The following ALPK3 variants were observed in gnomAD, a reference collection of about 807,000 sequenced individuals.
ALPK3 encodes the protein alpha kinase 3, also known as alpha-protein kinase 3.
ALPK3 carries 102 observed loss-of-function variants against 140.0 expected under a neutral mutation model. The observed-to-expected ratio is 0.73, with a 90% CI of 0.62 to 0.86. The LOEUF is 0.86. ALPK3 is among the 40% of genes least tolerant of loss of function. The pLI, the probability that ALPK3 is intolerant of heterozygous loss-of-function variation, is 0.00. For synonymous variants in ALPK3, 938 were observed against 898.5 expected (o/e 1.04, Z -0.79); for missense variants, 2,254 against 2,208.2 (o/e 1.02, Z -0.42).
intron 5 of ALPK3, among the ~76,000 whole-genome samples, chr15:84,845,610 A>G (rs980243377): frequency 3.3e-5 from 5 of 152,246 alleles, no homozygotes; most frequent in Non-Finnish European, 7.3e-5. Flanking sequence ...TCATCCCCAG[A>G]TTGTTCCTGC....
rs781488810 is a variant in ALPK3, at chr15:84,840,521, CT to C, written c.1244del (p.Leu415Ter). 1 of 1,609,930 alleles carries C rather than the reference CT, an allele frequency of 6.2e-7. No individual in the cohort carries two copies. Among genetic ancestry groups the C allele is most frequent in the Non-Finnish European group, 8.5e-7 (1 of 1,178,612 alleles). On this transcript the variant is annotated frameshift_variant, in exon 5 of 14. Coordinates refer to ENST00000258888, the MANE Select transcript of ALPK3 (RefSeq NM_020778.5). LOFTEE classifies it high-confidence loss of function. The stretch of plus-strand genomic sequence containing the variant: ...GCCCAGGCCAGGAAGTGTATTTCTC[CT>C]TGAAGGACATGTACCTGGAGAACAC... ...PGPGQEVYFS[L>X]KDMYLENTQA... is the part of the protein sequence containing the mutation.
intron 9 of ALPK3, among the ~76,000 whole-genome samples, chr15:84,861,283 A>G (rs1963942881): frequency 2.0e-5 from 3 of 151,880 alleles, no homozygotes. Flanking sequence ...GATTTTGTTG[A>G]TTGTGTTCCC....
intron 11 of ALPK3, 23 bp downstream of exon 11, chr15:84,863,663 G>C: frequency 6.2e-7 from 1 of 1,607,270 alleles, no homozygotes; most frequent in Non-Finnish European, 8.5e-7. Context: ...CGAGGAGGAC[G>C]TGCAGTGTGC....
intron 2 of ALPK3, among the ~76,000 whole-genome samples, chr15:84,825,211 T>A (rs1963472563): frequency 6.6e-6 from 1 of 152,028 alleles, no homozygotes; most frequent in South Asian, 2.1e-4. Flanking sequence ...GGCATCTCTC[T>A]CTGTCACCAG....
intron 1 of ALPK3, among the ~76,000 whole-genome samples, chr15:84,822,090 T>C (rs1471073237): frequency 5.3e-5 from 8 of 151,926 alleles, no homozygotes; most frequent in Non-Finnish European, 1.0e-4. Context: ...TGCAGCATTT[T>C]GTTAGAGAAG....
intron 5 of ALPK3, among the ~76,000 whole-genome samples, chr15:84,848,157 AAAG>A (rs1289260180): frequency 6.6e-6 from 1 of 152,168 alleles, no homozygotes; most frequent in African/African-American, 2.4e-5. Context: ...ATCAAGAATG[AAAG>A]AAGGGCAATG....
chr15:84,857,433 C>G lies in ALPK3; in HGVS notation c.2695C>G (p.Pro899Ala). ...SQHGSTATFL[P>A]SEDQVLMSSA... ...GCACGGGAGCACAGCCACCTTCCTGCCCTCTGAGGATCAGGTCCTGATGAG... is the reference window on the plus strand; with the variant it reads ...GCACGGGAGCACAGCCACCTTCCTGGCCTCTGAGGATCAGGTCCTGATGAG... The change falls in exon 6 of 14, where the codon CCC becomes GCC. Residue 899 changes from proline (P) to alanine (A), a missense_variant. Coordinates refer to ENST00000258888, the MANE Select transcript of ALPK3 (RefSeq NM_020778.5). 6.2e-7 allele frequency: 1 copy of G among 1,613,988 alleles called. No individual in the cohort carries two copies. Among genetic ancestry groups the G allele is most frequent in the South Asian group, 1.1e-5 (1 of 91,078 alleles).
intron 5 of ALPK3, among the ~76,000 whole-genome samples, chr15:84,854,170 A>G (rs1002303535): frequency 6.9e-6 from 1 of 145,220 alleles, no homozygotes; most frequent in Non-Finnish European, 1.5e-5. Flanking sequence ...AAAAATATTT[A>G]TATGTTATAA....
At chr15:84,841,372 C>T (rs1407374419) in intron 5 of ALPK3, among the ~76,000 whole-genome samples, 1 of 152,152 alleles carries the variant, frequency 6.6e-6, no homozygotes, top group Admixed American at 6.5e-5. Flanking sequence ...GCTGAATGTC[C>T]AGGAAATGCT....
chr15:84,841,180 G>C (rs1389359277), intron 5 of ALPK3, among the ~76,000 whole-genome samples: 1 of 152,204 alleles, frequency 6.6e-6, no homozygotes, highest in East Asian at 1.9e-4. Flanking sequence ...ACAGCCAAGG[G>C]GACTGTGCCC....
At chr15:84,845,439 A>T (rs434334) in intron 5 of ALPK3, among the ~76,000 whole-genome samples, 65,032 of 151,628 alleles carry the variant, frequency 0.43, 14,862 homozygotes, top group Middle Eastern at 0.54. Flanking sequence ...TGTGTGAAAC[A>T]ATGTGGCAGA....
Position 84,859,348 on chromosome 15 carries a change from C to T in ALPK3, c.3923C>T (p.Thr1308Ile). 6.2e-7 allele frequency: 1 copy of T among 1,614,192 alleles called. No homozygotes were observed. The highest frequency in any genetic ancestry group is 8.5e-7 in the Non-Finnish European group (1 of 1,180,020). ...FFNILSDSVL[T>I]WAKDQRPVGE... ...AACATTCTTAGTGACTCAGTCTTGA[C>T]ATGGGCCAAGGATCAGCGCCCAGTG... is the stretch of plus-strand genomic sequence containing the variant. Residue 1308 changes from threonine (T) to isoleucine (I), a missense_variant, in exon 7 of 14, where the codon ACA (threonine) becomes ATA (isoleucine). Around this residue, in one of 3 missense-constraint regions of ALPK3, gnomAD observed 2,088 missense variants for 2,022.9 expected, o/e 1.03. Transcript: ENST00000258888.
At position 84,857,299 on chromosome 15, in the gene ALPK3, G is replaced by T. The variant is rs572169625; in HGVS notation, c.2561G>T (p.Gly854Val). 6.2e-7 allele frequency: 1 copy of T among 1,614,082 alleles called. No individual in the cohort carries two copies. The highest frequency in any genetic ancestry group is 1.1e-5 in the South Asian group (1 of 91,072). ...GGAGTGCCGTGTATGGATCAGGGTGGCTGTCCTCTAGCTGGCCTGAGCCAG... is the reference window on the plus strand; with the variant it reads ...GGAGTGCCGTGTATGGATCAGGGTGTCTGTCCTCTAGCTGGCCTGAGCCAG... ...PGGVPCMDQG[G>V]CPLAGLSQEV... is the part of the protein sequence containing the mutation. The change falls in exon 6 of 14, where the codon GGC (glycine) becomes GTC (valine). Residue 854 changes from glycine to valine, a missense_variant. Around this residue, in one of 3 missense-constraint regions of ALPK3, gnomAD observed 2,088 missense variants for 2,022.9 expected, o/e 1.03. Coordinates refer to ENST00000258888, the MANE Select transcript of ALPK3 (RefSeq NM_020778.5).
chr15:84,839,136 C>T (rs184255102), intron 4 of ALPK3, 39 bp downstream of exon 4: 278 of 1,515,708 alleles, frequency 1.8e-4, no homozygotes, highest in South Asian at 5.1e-4. Context: ...TCTGCCCTCC[C>T]GAGGGCCCTC....
intron 3 of ALPK3, among the ~76,000 whole-genome samples, chr15:84,836,247 G>A (rs7177454): frequency 0.47 from 72,174 of 151,980 alleles, 18,715 homozygotes; most frequent in East Asian, 0.79. Flanking sequence ...GGCCAGCATG[G>A]TCACAGGGCC....
chr15:84,859,971 T>C (rs1456138022), intron 8 of ALPK3, 66 bp from the exon 9 acceptor site: 5 of 1,613,876 alleles, frequency 3.1e-6, no homozygotes, highest in Non-Finnish European at 4.2e-6. Context: ...GCAGTCATCT[T>C]TGAGAGAAGG....
chr15:84,858,251 G>C lies in ALPK3; in HGVS notation c.3513G>C (p.Lys1171Asn). 1.9e-6 allele frequency: 3 copies of C among 1,605,512 alleles called. No individual in the cohort carries two copies. The highest frequency in any genetic ancestry group is 2.2e-5 in the South Asian group (2 of 89,706). Residue 1171 changes from lysine (K) to asparagine (N), a missense_variant, in exon 6 of 14, where the codon AAG becomes AAC. Lys to Asn is a moderately conservative substitution (Grantham distance 94). Transcript: ENST00000258888. ...LGARRKRFLP[K>N]VRAAGDGEAT... ...CCCGGAGGAAGAGATTTCTCCCTAA[G>C]GTCAGAGCAGCAGGAGACGGGGAGG... is the stretch of plus-strand genomic sequence containing the variant.
chr15:84,834,324 A>G (rs115738829), intron 3 of ALPK3, among the ~76,000 whole-genome samples: 1,750 of 152,258 alleles, frequency 0.011, 37 homozygotes, highest in African/African-American at 0.04. Flanking sequence ...TAAAAGAGAG[A>G]GATTTGAATT....
At chr15:84,828,007 C>A (rs1180298703) in intron 3 of ALPK3, among the ~76,000 whole-genome samples, 1 of 152,190 alleles carries the variant, frequency 6.6e-6, no homozygotes, top group African/African-American at 2.4e-5. Flanking sequence ...AGGAGAATTG[C>A]ATGTGGTGAT....
Sources: gnomAD v4.1 joint callset for allele counts (sites outside exome capture counted in the v4.1 genomes callset) on GRCh38, gnomAD v4.1.1 for gene constraint, gnomAD v4.1.1 regional missense constraint, MANE v1.5 for transcripts, NCBI Gene and HGNC (gene_info 2026-07-23, HGNC 2026-07-21) for gene names.